The following MTUS2 variants were observed in gnomAD, a reference collection of about 807,000 sequenced individuals.
MTUS2 encodes microtubule associated scaffold protein 2.
MTUS2 carries 40 observed loss-of-function variants against 114.1 expected under a neutral mutation model. That is an observed-to-expected ratio of 0.35 (90% CI 0.27 to 0.46). The LOEUF (loss-of-function observed/expected upper bound fraction) is 0.46. Among genes scored for constraint, MTUS2 ranks in the 20% least tolerant of loss-of-function variants. The pLI, the probability that MTUS2 is intolerant of heterozygous loss-of-function variation, is 1.00. For missense variants in MTUS2, 1,679 were observed against 1,705.4 expected (o/e 0.98, Z 0.27); for synonymous variants, 688 against 672.0 (o/e 1.02, Z -0.37).
intron 7 of MTUS2, among the ~76,000 whole-genome samples, chr13:29,349,738 T>G (rs1319881821): frequency 2.0e-5 from 3 of 152,202 alleles, no homozygotes; most frequent in Non-Finnish European, 4.4e-5. Context: ...GCTGTTATTC[T>G]TATCTTTGGG....
intron 2 of MTUS2, among the ~76,000 whole-genome samples, chr13:29,016,351 A>AC (rs1886066628): frequency 6.6e-6 from 1 of 150,684 alleles, no homozygotes; most frequent in Non-Finnish European, 1.5e-5. Flanking sequence ...CCTGGAAAGG[A>AC]CTTTTTTTTT....
chr13:28,921,861 C>T (rs1197423659), intron 2 of MTUS2, among the ~76,000 whole-genome samples: 1 of 152,170 alleles, frequency 6.6e-6, no homozygotes, highest in African/African-American at 2.4e-5. Flanking sequence ...TTTCCCTCTC[C>T]CAAGTGCACG....
chr13:29,169,723 T>C (rs890719493), intron 5 of MTUS2, among the ~76,000 whole-genome samples: 2 of 152,212 alleles, frequency 1.3e-5, no homozygotes, highest in Non-Finnish European at 2.9e-5. Context: ...TGCTGAACTT[T>C]GATGAGCGCT....
At chr13:29,185,592 C>G (rs1039245079) in intron 5 of MTUS2, among the ~76,000 whole-genome samples, 2 of 152,160 alleles carry the variant, frequency 1.3e-5, no homozygotes, top group Non-Finnish European at 2.9e-5. Flanking sequence ...TTTCTCCCCC[C>G]CAAAAATCAT....
intron 6 of MTUS2, among the ~76,000 whole-genome samples, chr13:29,287,846 A>G (rs1401336002): frequency 6.6e-6 from 1 of 152,208 alleles, no homozygotes; most frequent in Admixed American, 6.5e-5. Context: ...AGATGTGCAG[A>G]TGAGTGAGAC....
intron 1 of MTUS2, among the ~76,000 whole-genome samples, chr13:28,823,828 A>G (rs1210458732): frequency 1.3e-5 from 2 of 152,230 alleles, no homozygotes; most frequent in African/African-American, 4.8e-5. Flanking sequence ...GAAACATAGA[A>G]TCACGGTGGA....
At chr13:29,462,653 T>C (rs1435201071) in intron 9 of MTUS2, among the ~76,000 whole-genome samples, 1 of 152,088 alleles carries the variant, frequency 6.6e-6, no homozygotes, top group African/African-American at 2.4e-5. Flanking sequence ...GCGTTTGTTT[T>C]GTAAGGAAGA....
intron 2 of MTUS2, among the ~76,000 whole-genome samples, chr13:28,947,584 A>G (rs895694780): frequency 7.2e-5 from 11 of 152,176 alleles, no homozygotes; most frequent in Non-Finnish European, 1.3e-4. Context: ...GAAACAAATT[A>G]TAAGCGAGCT....
intron 2 of MTUS2, among the ~76,000 whole-genome samples, chr13:28,859,567 C>T (rs1054833111): frequency 2.0e-5 from 3 of 152,200 alleles, no homozygotes; most frequent in Non-Finnish European, 4.4e-5. Context: ...GTAATGAAGG[C>T]TCTCATGACT....
intron 6 of MTUS2, among the ~76,000 whole-genome samples, chr13:29,285,850 T>A (rs1287029929): frequency 6.6e-6 from 1 of 152,188 alleles, no homozygotes; most frequent in Admixed American, 6.5e-5. Flanking sequence ...AAATTTGAAA[T>A]TCAAACAAAA....
At chr13:28,869,293 T>C (rs1877481486) in intron 2 of MTUS2, among the ~76,000 whole-genome samples, 1 of 152,226 alleles carries the variant, frequency 6.6e-6, no homozygotes, top group African/African-American at 2.4e-5. Context: ...AGATAACTCA[T>C]TGTTCAAATG....
At chr13:29,193,457 A>G (rs1422916632) in intron 5 of MTUS2, among the ~76,000 whole-genome samples, 1 of 152,096 alleles carries the variant, frequency 6.6e-6, no homozygotes, top group Non-Finnish European at 1.5e-5. Context: ...CCAATAACAG[A>G]CAGAGAGGCA....
chr13:28,995,454 G>T (rs1276845535), intron 2 of MTUS2, among the ~76,000 whole-genome samples: 1 of 152,056 alleles, frequency 6.6e-6, no homozygotes, highest in East Asian at 1.9e-4. Context: ...TTGGTAGATT[G>T]ATGGGGATGG....
intron 6 of MTUS2, among the ~76,000 whole-genome samples, chr13:29,294,066 C>T (rs1356094234): frequency 6.6e-6 from 1 of 151,894 alleles, no homozygotes; most frequent in Non-Finnish European, 1.5e-5. Context: ...AAAATATATA[C>T]AGATAATTGA....
intron 2 of MTUS2, among the ~76,000 whole-genome samples, chr13:28,984,335 C>T (rs530473565): frequency 6.6e-6 from 1 of 152,308 alleles, no homozygotes; most frequent in Non-Finnish European, 1.5e-5. Context: ...TTCTACCCCT[C>T]CTTTCCTTTC....
chr13:29,100,744 T>C, intron 4 of MTUS2, 29 bp from the exon 5 acceptor site: 1 of 1,547,728 alleles, frequency 6.5e-7, no homozygotes, highest in Non-Finnish European at 8.7e-7. Context: ...CTGAGAATAA[T>C]TTTTTAATTT....
chr13:28,841,339 T>G (rs566331228), intron 2 of MTUS2, among the ~76,000 whole-genome samples: 1 of 152,148 alleles, frequency 6.6e-6, no homozygotes, highest in South Asian at 2.1e-4. Flanking sequence ...TTAGAACAGA[T>G]AGGGGAAAAA....
At chr13:29,418,277 G>A (rs979537118) in intron 8 of MTUS2, among the ~76,000 whole-genome samples, 15 of 152,144 alleles carry the variant, frequency 9.9e-5, no homozygotes, top group Admixed American at 5.9e-4. Flanking sequence ...GAAATTTTCA[G>A]TAGTGTCTTG....
At chr13:29,007,373 C>T (rs954547349) in intron 2 of MTUS2, among the ~76,000 whole-genome samples, 3 of 152,092 alleles carry the variant, frequency 2.0e-5, no homozygotes, top group Non-Finnish European at 4.4e-5. Flanking sequence ...TCTTCTGATA[C>T]CCAGGTCCAC....
Sources: allele counts gnomAD v4.1 joint callset (sites outside exome capture counted in the v4.1 genomes callset), GRCh38; gene constraint gnomAD v4.1.1; transcripts MANE v1.5; gene names NCBI Gene and HGNC (gene_info 2026-07-23, HGNC 2026-07-21).